The following ROBO1 variants were observed in gnomAD, a reference collection of about 807,000 sequenced individuals.
ROBO1 encodes roundabout homolog 1.
A neutral mutation model predicts 195.9 loss-of-function variants in ROBO1; 149 were observed. The ratio of observed to expected loss-of-function variants is 0.76; its 90% CI spans 0.67 to 0.87. ROBO1 has a LOEUF of 0.87. Ranked by LOEUF, ROBO1 falls within the 40% of genes least tolerant of loss-of-function variation. The pLI, the probability that ROBO1 is intolerant of heterozygous loss-of-function variation, is 0.00. For synonymous variants in ROBO1, 816 were observed against 733.2 expected (o/e 1.11, Z -1.82); for missense variants, 1,933 against 2,068.3 (o/e 0.93, Z 1.27).
intron 2 of ROBO1, among the ~76,000 whole-genome samples, chr3:79,225,551 T>C (rs1290791501): frequency 1.3e-5 from 2 of 152,134 alleles, no homozygotes; most frequent in Non-Finnish European, 2.9e-5. Flanking sequence ...TTAACTGAAA[T>C]TTGGTCCACC....
intron 1 of ROBO1, among the ~76,000 whole-genome samples, chr3:79,603,255 A>T (rs1944389802): frequency 7.1e-6 from 1 of 140,274 alleles, no homozygotes; most frequent in African/African-American, 3.1e-5. Context: ...AACCCTCCTC[A>T]TCAGGGAGAC....
intron 2 of ROBO1, among the ~76,000 whole-genome samples, chr3:79,381,706 A>G (rs2036581333): frequency 6.6e-6 from 1 of 152,070 alleles, no homozygotes; most frequent in Non-Finnish European, 1.5e-5. Flanking sequence ...GCAAATTTGC[A>G]GAGTCAACAT....
chr3:79,393,229 C>A (rs1192055471), intron 2 of ROBO1, among the ~76,000 whole-genome samples: 1 of 152,124 alleles, frequency 6.6e-6, no homozygotes, highest in Non-Finnish European at 1.5e-5. Context: ...TGGTGTAGAA[C>A]AATATAGCTT....
chr3:78,975,669 T>C (rs534277442), intron 3 of ROBO1, among the ~76,000 whole-genome samples: 69 of 152,206 alleles, frequency 4.5e-4, no homozygotes, highest in African/African-American at 1.6e-3. Flanking sequence ...AAAGCTAAAG[T>C]TTTTAGATCA....
intron 4 of ROBO1, among the ~76,000 whole-genome samples, chr3:78,900,169 C>T (rs1310133878): frequency 1.3e-5 from 2 of 152,154 alleles, no homozygotes; most frequent in Non-Finnish European, 2.9e-5. Context: ...TTACACATAA[C>T]TGCACTTTTC....
intron 1 of ROBO1, among the ~76,000 whole-genome samples, chr3:79,710,731 C>T (rs1702242598): frequency 6.6e-6 from 1 of 152,060 alleles, no homozygotes; most frequent in Non-Finnish European, 1.5e-5. Flanking sequence ...AAACCAAAAA[C>T]TAGATCAGAG....
At chr3:78,638,804 G>A (rs1705723800) in intron 22 of ROBO1, among the ~76,000 whole-genome samples, 1 of 152,146 alleles carries the variant, frequency 6.6e-6, no homozygotes. Context: ...AGCCCAGGAG[G>A]TGGAGGTTGC....
At chr3:78,972,520 T>C (rs2076791594) in intron 3 of ROBO1, among the ~76,000 whole-genome samples, 2 of 152,242 alleles carry the variant, frequency 1.3e-5, no homozygotes, top group Non-Finnish European at 2.9e-5. Context: ...ACTAGAGTTG[T>C]ATTATAAGCT....
rs749077908 is a variant in ROBO1 at position 78,938,622 on chromosome 3, T to C, written c.478A>G (p.Asn160Asp). The change falls in exon 4 of 31, where the codon AAT becomes GAT. Residue 160 changes from asparagine to aspartate, a missense_variant. By Grantham distance (23) the Asn-to-Asp change is conservative. Transcript: ENST00000464233. ...TTACTGGCTACTTCCAGCGATGCAT[T>C]GTGGCTCACAGCCTCTCCAAGGTAA... ...RNYLGEAVSH[N>D]ASLEVAILRD... The C allele has an allele frequency of 1.2e-6, 2 of 1,611,422 alleles. No individual in the cohort carries two copies. The highest frequency in any genetic ancestry group is 1.7e-6 in the Non-Finnish European group (2 of 1,177,800).
chr3:79,097,351 C>T (rs1035238076), intron 3 of ROBO1, among the ~76,000 whole-genome samples: 4 of 151,754 alleles, frequency 2.6e-5, no homozygotes, highest in African/African-American at 9.7e-5. Flanking sequence ...ACTTCAAAAA[C>T]TGTTGTTCTG....
intron 1 of ROBO1, among the ~76,000 whole-genome samples, chr3:79,737,565 G>C (rs911763173): frequency 2.0e-5 from 3 of 152,106 alleles, no homozygotes; most frequent in African/African-American, 4.8e-5. Flanking sequence ...AGAAGGCAGA[G>C]AGGCAAACAA....
chr3:79,617,666 G>C (rs77901316), intron 1 of ROBO1, among the ~76,000 whole-genome samples: 1 of 151,748 alleles, frequency 6.6e-6, no homozygotes, highest in Non-Finnish European at 1.5e-5. Context: ...ACAGTGATTC[G>C]CCACTCCCAA....
At chr3:79,669,592 T>A (rs1362407895) in intron 1 of ROBO1, among the ~76,000 whole-genome samples, 1 of 151,898 alleles carries the variant, frequency 6.6e-6, no homozygotes, top group Non-Finnish European at 1.5e-5. Flanking sequence ...TGTAGTAGAC[T>A]TTACTATCTA....
At chr3:79,022,795 A>T (rs1490980440) in intron 3 of ROBO1, among the ~76,000 whole-genome samples, 1 of 152,186 alleles carries the variant, frequency 6.6e-6, no homozygotes, top group Non-Finnish European at 1.5e-5. Flanking sequence ...GAAATTCAGG[A>T]TCCCCAAAAT....
intron 2 of ROBO1, among the ~76,000 whole-genome samples, chr3:79,458,171 G>C (rs1289343259): frequency 6.6e-6 from 1 of 152,108 alleles, no homozygotes; most frequent in African/African-American, 2.4e-5. Context: ...AAAGGGGAGG[G>C]AGTCAGTCAA....
chr3:79,071,037 T>C (rs915279644), intron 3 of ROBO1, among the ~76,000 whole-genome samples: 1 of 151,866 alleles, frequency 6.6e-6, no homozygotes, highest in Non-Finnish European at 1.5e-5. Context: ...AATTACTGTA[T>C]GCATTACCTC....
At chr3:78,933,156 C>G (rs2039624434) in intron 4 of ROBO1, among the ~76,000 whole-genome samples, 1 of 152,092 alleles carries the variant, frequency 6.6e-6, no homozygotes, top group African/African-American at 2.4e-5. Context: ...ATTACATTCT[C>G]TGACACAGCC....
intron 3 of ROBO1, among the ~76,000 whole-genome samples, chr3:78,967,942 G>A (rs2076683280): frequency 1.3e-5 from 2 of 152,112 alleles, no homozygotes; most frequent in Admixed American, 6.6e-5. Flanking sequence ...TCTTCCAAAG[G>A]TGAACACATC....
intron 4 of ROBO1, among the ~76,000 whole-genome samples, chr3:78,789,369 A>G (rs1169789302): frequency 1.3e-5 from 2 of 152,192 alleles, no homozygotes; most frequent in Non-Finnish European, 2.9e-5. Context: ...GGGTTCAAGT[A>G]TGAACAATTT....
Sources: allele counts gnomAD v4.1 joint callset (sites outside exome capture counted in the v4.1 genomes callset), GRCh38; gene constraint gnomAD v4.1.1; transcripts MANE v1.5; gene names NCBI Gene and HGNC (gene_info 2026-07-23, HGNC 2026-07-21).